Variants in CASK observed in about 807,000 individuals in gnomAD.
CASK encodes peripheral plasma membrane protein CASK.
A neutral mutation model predicts 82.9 loss-of-function variants in CASK; 4 were observed. The ratio of observed to expected loss-of-function variants is 0.05; its 90% confidence interval spans 0.02 to 0.11. The LOEUF (loss-of-function observed/expected upper bound fraction) is 0.11, where lower values mean the gene tolerates loss of function less well. CASK is among the 10% of genes least tolerant of loss of function. CASK has a pLI of 1.00. For missense variants in CASK, 358 were observed against 720.9 expected, an observed-to-expected ratio of 0.50 and a Z score of 5.76; for synonymous variants, 259 against 253.5, an observed-to-expected ratio of 1.02 and a Z score of -0.20.
At chrX:41,849,356 G>A (rs775686834) in intron 2 of CASK, among the ~76,000 whole-genome samples, 1 of 111,088 alleles carries the variant, frequency 9.0e-6, no homozygotes, top group Non-Finnish European at 1.9e-5. Context: ...AGTAGAGTAA[G>A]AGACAAAAAG....
At chrX:41,539,086 G>C (rs950834617) in intron 22 of CASK, among the ~76,000 whole-genome samples, 2 of 111,819 alleles carry the variant, frequency 1.8e-5, no homozygotes, top group Non-Finnish European at 1.9e-5. Context: ...ACTTTCACAC[G>C]TGATGACTTA....
chrX:41,575,655 T>C (rs756846791), intron 15 of CASK, among the ~76,000 whole-genome samples: 5 of 111,737 alleles, frequency 4.5e-5, no homozygotes, highest in Non-Finnish European at 7.5e-5. Context: ...ACAGATCATA[T>C]AGGAATATCC....
intron 15 of CASK, among the ~76,000 whole-genome samples, chrX:41,577,056 C>T (rs1431498919): frequency 2.7e-5 from 3 of 112,095 alleles, no homozygotes; most frequent in African/African-American, 9.7e-5. Context: ...ATCCTAATAT[C>T]CCTTTTCTAT....
At chrX:41,644,712 T>G (rs1266313766) in intron 8 of CASK, among the ~76,000 whole-genome samples, 1 of 112,127 alleles carries the variant, frequency 8.9e-6, no homozygotes, top group Non-Finnish European at 1.9e-5. Context: ...ATTCTTTTTC[T>G]CAGCATGGAA....
At chrX:41,521,609 G>A (rs2064637903) in intron 26 of CASK, among the ~76,000 whole-genome samples, 1 of 111,768 alleles carries the variant, frequency 8.9e-6, no homozygotes, top group Non-Finnish European at 1.9e-5. Context: ...CCACCAGAAA[G>A]AAGTCTGCCT....
intron 3 of CASK, among the ~76,000 whole-genome samples, chrX:41,784,537 T>C: frequency 8.9e-6 from 1 of 111,911 alleles, no homozygotes; most frequent in South Asian, 3.8e-4. Flanking sequence ...AGCAGACATT[T>C]TCCATACAGT....
At chrX:41,667,662 C>T (rs181353100) in intron 6 of CASK, among the ~76,000 whole-genome samples, 20 of 111,377 alleles carry the variant, frequency 1.8e-4, no homozygotes, top group Non-Finnish European at 3.4e-4. Flanking sequence ...TGGGCTCAAG[C>T]GATCCTTCTG....
intron 2 of CASK, among the ~76,000 whole-genome samples, chrX:41,813,299 A>G (rs1298489715): frequency 9.0e-6 from 1 of 111,659 alleles, no homozygotes; most frequent in East Asian, 2.8e-4. Context: ...ACCTAAGCAA[A>G]AAGAACAAAG....
chrX:41,543,610 T>C (rs192072100), intron 21 of CASK, among the ~76,000 whole-genome samples: 48 of 112,095 alleles, frequency 4.3e-4, no homozygotes, highest in African/African-American at 1.5e-3. Context: ...TATTAAAAAG[T>C]TGCTCTTTCA....
chrX:41,736,970 T>C (rs924024416), intron 5 of CASK, among the ~76,000 whole-genome samples: 32 of 112,414 alleles, frequency 2.8e-4, no homozygotes, highest in African/African-American at 9.7e-4. Flanking sequence ...TCCTTGTATA[T>C]ATCTGGCACT....
intron 1 of CASK, among the ~76,000 whole-genome samples, chrX:41,871,654 T>C (rs1449780693): frequency 8.9e-6 from 1 of 112,125 alleles, no homozygotes; most frequent in East Asian, 2.8e-4. Context: ...AGAAATTTCA[T>C]TGCAAAGAGA....
intron 5 of CASK, among the ~76,000 whole-genome samples, chrX:41,723,916 C>T (rs2068209455): frequency 8.9e-6 from 1 of 111,968 alleles, no homozygotes; most frequent in Non-Finnish European, 1.9e-5. Context: ...TCATATAAAA[C>T]TGGCCATGGG....
At chrX:41,563,040 C>CAAAAAA (rs141364032) in intron 16 of CASK, among the ~76,000 whole-genome samples, 426 of 21,527 alleles carry the variant, frequency 0.02, no homozygotes, top group Non-Finnish European at 0.024. Context: ...GACTCCATCT[C>CAAAAAA]AAAAAAAAAA....
At chrX:41,878,519 C>T (rs2071878360) in intron 1 of CASK, among the ~76,000 whole-genome samples, 1 of 110,486 alleles carries the variant, frequency 9.1e-6, no homozygotes, top group African/African-American at 3.3e-5. Flanking sequence ...GCAAAGCAAG[C>T]TGCCAATAAA....
At chrX:41,776,359 A>C (rs1164857261) in intron 3 of CASK, among the ~76,000 whole-genome samples, 1 of 112,853 alleles carries the variant, frequency 8.9e-6, no homozygotes, top group Non-Finnish European at 1.9e-5. Flanking sequence ...GCATGACTGC[A>C]TATGCAGAAA....
chrX:41,671,309 G>A (rs185451684), intron 6 of CASK, 119 bp downstream of exon 6: 1 of 516,968 alleles, frequency 1.9e-6, no homozygotes, highest in East Asian at 3.6e-5. Context: ...TTTGGGAGTT[G>A]GGGTGGGGTG....
chrX:41,517,491 C>T lies in CASK; in HGVS notation c.*2929G>A, dbSNP rs2064570458. ...GTGCAAAGTAATTACTGTCTTGTGA[C>T]TGGAAAATCAGGACATTTCATCTTT... is the stretch of plus-strand genomic sequence containing the variant. On this transcript the variant is annotated 3_prime_UTR_variant, in exon 27 of 27. Transcript: ENST00000378163. 1.2e-5 allele frequency: 3 copies of T among 253,291 alleles called. No homozygotes were observed. The highest frequency in any genetic ancestry group is 2.1e-5 in the Non-Finnish European group (3 of 142,074). The allele number at this position is 253,291 out of a possible 1,213,427, so 20.9% of individuals were successfully genotyped here.
At chrX:41,846,400 G>A (rs1276039234) in intron 2 of CASK, among the ~76,000 whole-genome samples, 1 of 94,681 alleles carries the variant, frequency 1.1e-5, no homozygotes, top group Non-Finnish European at 2.1e-5. Context: ...GAGGATACAG[G>A]TAGAAGAGTG....
chrX:41,547,376 CT>C (rs1269852274), intron 21 of CASK, among the ~76,000 whole-genome samples: 1 of 110,917 alleles, frequency 9.0e-6, no homozygotes, highest in Non-Finnish European at 1.9e-5. Flanking sequence ...CTAGTTTGTC[CT>C]TTAGTTTCTG....
Sources: allele counts gnomAD v4.1 joint callset (sites outside exome capture counted in the v4.1 genomes callset), GRCh38; gene constraint gnomAD v4.1.1; transcripts MANE v1.5; gene names NCBI Gene and HGNC (gene_info 2026-07-23, HGNC 2026-07-21).